The following PLCG2 variants were observed in gnomAD, a reference collection of about 807,000 sequenced individuals.
The protein encoded by PLCG2 is phospholipase C gamma 2, also known as 1-phosphatidylinositol 4,5-bisphosphate phosphodiesterase gamma-2.
Under a neutral mutation model 175.6 loss-of-function variants are expected in PLCG2, and 69 were observed. The ratio of observed to expected loss-of-function variants is 0.39; its 90% CI spans 0.32 to 0.48. PLCG2 has a LOEUF of 0.48. Ranked by LOEUF, PLCG2 falls within the 20% of genes least tolerant of loss-of-function variation. The pLI, the probability that PLCG2 is intolerant of heterozygous loss-of-function variation, is 0.91. For missense variants in PLCG2, 1,798 were observed against 1,650.9 expected, an observed-to-expected ratio of 1.09 and a Z score of -1.54; for synonymous variants, 827 against 624.0, an observed-to-expected ratio of 1.33 and a Z score of -4.85.
At chr16:81,796,274 C>T (rs1359858194) in intron 2 of PLCG2, among the ~76,000 whole-genome samples, 2 of 152,256 alleles carry the variant, frequency 1.3e-5, no homozygotes, top group Non-Finnish European at 2.9e-5. Context: ...TGTCTCCAAA[C>T]CTTGGCTTTT....
intron 29 of PLCG2, among the ~76,000 whole-genome samples, chr16:81,939,172 T>G (rs2143734799): frequency 6.6e-6 from 1 of 152,262 alleles, no homozygotes; most frequent in African/African-American, 2.4e-5. Context: ...GACACTAGGT[T>G]GGTCCTCTCT....
At chr16:81,872,200 C>T (rs892025343) in intron 7 of PLCG2, among the ~76,000 whole-genome samples, 3 of 152,080 alleles carry the variant, frequency 2.0e-5, no homozygotes, top group African/African-American at 7.2e-5. Flanking sequence ...TGGTGGTGTG[C>T]ACCCGTAATC....
intron 8 of PLCG2, among the ~76,000 whole-genome samples, 153 bp from the exon 9 acceptor site, chr16:81,883,116 C>G (rs1908170847): frequency 1.3e-5 from 2 of 152,150 alleles, no homozygotes; most frequent in Non-Finnish European, 2.9e-5. Flanking sequence ...TGTCACTCAC[C>G]TGTGTCTTCC....
At chr16:81,792,697 C>G (rs867807203) in intron 2 of PLCG2, among the ~76,000 whole-genome samples, 7 of 151,960 alleles carry the variant, frequency 4.6e-5, no homozygotes, top group African/African-American at 1.5e-4. Flanking sequence ...AGGGGGAAGC[C>G]TCTTGTAAAA....
At chr16:81,863,696 T>G (rs1437587543) in intron 5 of PLCG2, among the ~76,000 whole-genome samples, 4 of 152,254 alleles carry the variant, frequency 2.6e-5, no homozygotes, top group Non-Finnish European at 5.9e-5. Context: ...TGCACAGGTT[T>G]CTGTTTTCTT....
intron 5 of PLCG2, among the ~76,000 whole-genome samples, chr16:81,864,657 T>C (rs1907141053): frequency 6.6e-6 from 1 of 152,232 alleles, no homozygotes; most frequent in South Asian, 2.1e-4. Context: ...GCCTGGCTCA[T>C]GGTAAACACT....
intron 2 of PLCG2, among the ~76,000 whole-genome samples, chr16:81,847,552 T>G (rs1266300362): frequency 6.6e-6 from 1 of 152,130 alleles, no homozygotes; most frequent in Non-Finnish European, 1.5e-5. Context: ...CACTGCAGAT[T>G]CCAAGGGTGT....
At chr16:81,758,723 G>A (rs543786880) in intron 2 of PLCG2, among the ~76,000 whole-genome samples, 17 of 150,884 alleles carry the variant, frequency 1.1e-4, no homozygotes, top group Non-Finnish European at 2.1e-4. Flanking sequence ...TGTTGCCCAG[G>A]CTAGAGTGCA....
At chr16:81,810,493 T>C (rs1204167714) in intron 2 of PLCG2, among the ~76,000 whole-genome samples, 1 of 152,246 alleles carries the variant, frequency 6.6e-6, no homozygotes, top group Non-Finnish European at 1.5e-5. Context: ...TTCTTGGTGA[T>C]GCAGACTGGT....
intron 4 of PLCG2, among the ~76,000 whole-genome samples, chr16:81,858,588 G>A (rs759207405): frequency 1.6e-4 from 25 of 152,168 alleles, no homozygotes; most frequent in Non-Finnish European, 3.5e-4. Context: ...AGTGAGTGGT[G>A]CATTGGACTC....
intron 19 of PLCG2, among the ~76,000 whole-genome samples, chr16:81,914,697 T>C (rs956747421): frequency 6.6e-6 from 1 of 152,238 alleles, no homozygotes; most frequent in Non-Finnish European, 1.5e-5. Context: ...GCTAATGGTC[T>C]GGCAGGGATG....
intron 2 of PLCG2, among the ~76,000 whole-genome samples, chr16:81,819,421 A>G (rs373870489): frequency 4.2e-4 from 64 of 152,240 alleles, no homozygotes; most frequent in Middle Eastern, 6.8e-3. Context: ...CCAGGCTTGG[A>G]GAAGTCAAGG....
At chr16:81,918,480 C>T (rs1251167917) in intron 19 of PLCG2, among the ~76,000 whole-genome samples, 2 of 152,110 alleles carry the variant, frequency 1.3e-5, no homozygotes, top group African/African-American at 4.8e-5. Context: ...ATCTAGGTTT[C>T]CCAACCCTAC....
At chr16:81,911,767 G>A (rs1163516265) in intron 18 of PLCG2, among the ~76,000 whole-genome samples, 1 of 148,662 alleles carries the variant, frequency 6.7e-6, no homozygotes, top group Non-Finnish European at 1.5e-5. Flanking sequence ...CACGCCACTG[G>A]GCCTGGCTAA....
intron 2 of PLCG2, among the ~76,000 whole-genome samples, chr16:81,807,228 C>T (rs527326955): frequency 1.3e-5 from 2 of 152,168 alleles, no homozygotes; most frequent in Admixed American, 1.3e-4. Flanking sequence ...GTGTCCTCCT[C>T]CTACATCAGG....
chr16:81,900,856 C>T (rs1909119819), intron 14 of PLCG2, 76 bp downstream of exon 14: 14 of 1,379,416 alleles, frequency 1.0e-5, no homozygotes, highest in East Asian at 2.4e-5. Context: ...GTCCCGTTCA[C>T]CAAGTTCTAT....
intron 22 of PLCG2, among the ~76,000 whole-genome samples, chr16:81,926,096 A>C (rs74763890): frequency 6.9e-6 from 1 of 145,064 alleles, no homozygotes; most frequent in African/African-American, 2.5e-5. Context: ...TAGTGGGGGG[A>C]AGTTGGGTAC....
At chr16:81,858,377 G>A (rs1212473852) in intron 4 of PLCG2, 21 bp downstream of exon 4, 1 of 1,544,642 alleles carries the variant, frequency 6.5e-7, no homozygotes, top group Non-Finnish European at 9.0e-7. Context: ...TTTGCCTGTT[G>A]ATTTGCGTAG....
chr16:81,861,877 T>C (rs62046676), intron 5 of PLCG2, among the ~76,000 whole-genome samples: 22,822 of 152,166 alleles, frequency 0.15, 1,984 homozygotes, highest in Non-Finnish European at 0.21. Flanking sequence ...TGCATAGAGA[T>C]CCATCTTCCC....
Sources: allele counts gnomAD v4.1 joint callset (sites outside exome capture counted in the v4.1 genomes callset), GRCh38; gene constraint gnomAD v4.1.1; transcripts MANE v1.5; gene names NCBI Gene and HGNC (gene_info 2026-07-23, HGNC 2026-07-21).